Variants in RYR2 observed in about 807,000 individuals in gnomAD.
RYR2 encodes cardiac muscle ryanodine receptor-calcium release channel.
RYR2 carries 227 observed loss-of-function variants against 601.1 expected under a neutral mutation model. The ratio of observed to expected loss-of-function variants is 0.38; its 90% confidence interval spans 0.34 to 0.42. The LOEUF is 0.42. RYR2 is among the 10% of genes least tolerant of loss of function. The pLI, the probability that RYR2 is intolerant of heterozygous loss-of-function variation, is 1.00. For missense variants in RYR2, 4,646 were observed against 6,156.5 expected (o/e 0.75, Z 8.21); for synonymous variants, 2,223 against 2,175.1 (o/e 1.02, Z -0.61).
intron 26 of RYR2, among the ~76,000 whole-genome samples, chr1:237,549,472 G>C (rs1331551137): frequency 2.0e-5 from 3 of 151,976 alleles, no homozygotes; most frequent in African/African-American, 7.2e-5. Context: ...TACTCAGGGG[G>C]CTGAGGTGGG....
chr1:237,222,256 A>AT, intron 1 of RYR2, among the ~76,000 whole-genome samples: 1 of 152,172 alleles, frequency 6.6e-6, no homozygotes, highest in East Asian at 1.9e-4. Context: ...CTACTAAAAT[A>AT]CAAAAAATTA....
intron 80 of RYR2, chr1:237,754,937 C>CTT: frequency 2.4e-6 from 1 of 416,794 alleles, no homozygotes; most frequent in Non-Finnish European, 4.0e-6. Flanking sequence ...AAAGCTGCCT[C>CTT]TTTTTTTTTC....
Position 237,434,129 on chromosome 1 carries a change from G to C in RYR2, c.1006-7190G>C, listed in dbSNP as rs189068435. ...CAGTCCCTTACCCCTAACTGTGTGA[G>C]ACGGTATTGAAAGTATAAGTACATT... is the stretch of plus-strand genomic sequence containing the variant. On this transcript the variant is annotated intron_variant, in intron 12 of 104. Transcript: ENST00000366574. 2.3e-3 allele frequency among the ~76,000 whole-genome samples: 346 copies of C among 152,270 alleles called. 1 individual carries two copies. The highest frequency in any genetic ancestry group is 7.7e-3 in the African/African-American group (318 of 41,554).
At chr1:237,821,955 G>T (rs1343665742) in intron 101 of RYR2, among the ~76,000 whole-genome samples, 2 of 151,732 alleles carry the variant, frequency 1.3e-5, no homozygotes, top group African/African-American at 4.8e-5. Flanking sequence ...ATGAAATAAG[G>T]TGAGAAGACA....
chr1:237,074,749 T>G (rs917797490), intron 1 of RYR2, among the ~76,000 whole-genome samples: 1 of 152,170 alleles, frequency 6.6e-6, no homozygotes, highest in African/African-American at 2.4e-5. Context: ...GCCTGGACAC[T>G]GAAGACTGGG....
chr1:237,668,027 C>T (rs1425636775), intron 58 of RYR2, 69 bp downstream of exon 58: 9 of 1,201,482 alleles, frequency 7.5e-6, no homozygotes, highest in Non-Finnish European at 1.1e-5. Context: ...TGGATGAAGT[C>T]GTCTTCAGCA....
In RYR2 at chr1:237,783,688, T is replaced by C. The variant is rs1695312519; in HGVS notation, c.11976T>C (p.Asn3992=). ...CTTTACCACCAGGTAATGTTGTTAA[T>C]GGAACGATTGGCAAACAGATGGTGG... ...LLSMLEGNVV[N]GTIGKQMVDM... Residue 3992 remains asparagine (N), a synonymous_variant, in exon 90 of 105, where the codon AAT becomes AAC. Transcript: ENST00000366574. The C allele has an allele frequency of 1.2e-6, 2 of 1,602,832 alleles. No homozygotes were observed. Among genetic ancestry groups the C allele is most frequent in the South Asian group, 1.1e-5 (1 of 89,828 alleles).
At chr1:237,181,264 A>G (rs1421560735) in intron 1 of RYR2, among the ~76,000 whole-genome samples, 70 of 147,534 alleles carry the variant, frequency 4.7e-4, no homozygotes, top group African/African-American at 1.5e-3. Context: ...GATTACAGGC[A>G]TGAGCCACCA....
chr1:237,110,167 G>T (rs983898583), intron 1 of RYR2, among the ~76,000 whole-genome samples: 1 of 152,118 alleles, frequency 6.6e-6, no homozygotes, highest in Non-Finnish European at 1.5e-5. Flanking sequence ...ACTTGAGTGT[G>T]CATCTGAATC....
intron 1 of RYR2, among the ~76,000 whole-genome samples, chr1:237,060,323 T>C (rs541578049): frequency 1.3e-5 from 2 of 152,338 alleles, no homozygotes; most frequent in East Asian, 3.9e-4. Context: ...CAAGAAACTA[T>C]TACCAACACT....
intron 48 of RYR2, among the ~76,000 whole-genome samples, chr1:237,644,752 C>T (rs1471171101): frequency 6.6e-6 from 1 of 151,940 alleles, no homozygotes; most frequent in East Asian, 1.9e-4. Context: ...TAATTAGGGG[C>T]CAGGCGTAGT....
At chr1:237,471,984 C>T (rs1318459212) in intron 17 of RYR2, among the ~76,000 whole-genome samples, 1 of 152,180 alleles carries the variant, frequency 6.6e-6, no homozygotes, top group Non-Finnish European at 1.5e-5. Context: ...TAAAACTCAG[C>T]TCCCTAGCAT....
chr1:237,613,278 G>C (rs768293982), intron 36 of RYR2, among the ~76,000 whole-genome samples: 15 of 152,234 alleles, frequency 9.9e-5, no homozygotes, highest in Non-Finnish European at 1.8e-4. Flanking sequence ...TTTGGTCAGC[G>C]GGGGTGGTTT....
At chr1:237,595,953 C>G (rs1296659383) in intron 34 of RYR2, among the ~76,000 whole-genome samples, 2 of 152,104 alleles carry the variant, frequency 1.3e-5, no homozygotes, top group Non-Finnish European at 2.9e-5. Flanking sequence ...TAAATTACAG[C>G]TGAAGAATCT....
At position 237,337,197 on chromosome 1, in the gene RYR2, A is replaced by G. The variant is rs1385438830; in HGVS notation, c.273+6215A>G. ...AACCCGGGAGGCGGATTTTGCAGTG[A>G]GCCCAGATCGTGCCACTGCACTCCA... On this transcript the variant is annotated intron_variant, in intron 3 of 104. Coordinates refer to ENST00000366574, the MANE Select transcript of RYR2 (RefSeq NM_001035.3). 2.7e-5 allele frequency among the ~76,000 whole-genome samples: 4 copies of G among 150,180 alleles called. No homozygotes were observed. In the East Asian group the frequency reaches 7.8e-4, roughly 29 times the overall value.
chr1:237,320,131 T>C (rs534454334), intron 2 of RYR2, among the ~76,000 whole-genome samples: 10 of 152,310 alleles, frequency 6.6e-5, no homozygotes, highest in Middle Eastern at 3.4e-3. Flanking sequence ...TTGTATGCCT[T>C]TGGTTAATTT....
chr1:237,330,442 C>T (rs1696594962), intron 2 of RYR2, among the ~76,000 whole-genome samples: 1 of 152,216 alleles, frequency 6.6e-6, no homozygotes. Flanking sequence ...GTCTGGAGGG[C>T]AGTGGTGTGA....
chr1:237,374,605 C>G, intron 6 of RYR2, 112 bp from the exon 7 acceptor site: 1 of 820,512 alleles, frequency 1.2e-6, no homozygotes, highest in South Asian at 1.5e-5. Flanking sequence ...CTGCAGTGAG[C>G]TGTGATCACG....
chr1:237,212,544 G>A (rs1020221322), intron 1 of RYR2, among the ~76,000 whole-genome samples: 9 of 152,114 alleles, frequency 5.9e-5, no homozygotes, highest in African/African-American at 2.2e-4. Flanking sequence ...GTTGGAGGCT[G>A]CAGGATGGTA....
Sources: allele counts gnomAD v4.1 joint callset (sites outside exome capture counted in the v4.1 genomes callset), GRCh38; gene constraint gnomAD v4.1.1; transcripts MANE v1.5; gene names NCBI Gene and HGNC (gene_info 2026-07-23, HGNC 2026-07-21).